MGAT4C: variants seen among roughly 807,000 people sequenced by gnomAD.
The protein encoded by MGAT4C is MGAT4 family member C, also known as alpha-1,3-mannosyl-glycoprotein 4-beta-N-acetylglucosaminyltransferase C.
Under a neutral mutation model 40.1 loss-of-function variants are expected in MGAT4C, and 19 were observed. The observed-to-expected ratio is 0.47, with a 90% confidence interval of 0.33 to 0.70. The LOEUF (loss-of-function observed/expected upper bound fraction) is 0.70. Among genes scored for constraint, MGAT4C ranks in the 30% least tolerant of loss-of-function variants. MGAT4C has a pLI of 0.02. For missense variants in MGAT4C, 491 were observed against 563.2 expected, an observed-to-expected ratio of 0.87 and a Z score of 1.30; for synonymous variants, 181 against 187.1, an observed-to-expected ratio of 0.97 and a Z score of 0.27.
intron 2 of MGAT4C, among the ~76,000 whole-genome samples, chr12:86,583,401 G>T (rs531122350): frequency 2.7e-4 from 41 of 151,324 alleles, no homozygotes; most frequent in African/African-American, 9.9e-4. Context: ...AAAACCATTA[G>T]CAACAGTAAC....
chr12:86,181,923 A>G (rs1888173171), intron 1 of MGAT4C, among the ~76,000 whole-genome samples: 1 of 152,086 alleles, frequency 6.6e-6, no homozygotes, highest in East Asian at 1.9e-4. Context: ...TATCAGTTAT[A>G]TTCTCATAAT....
At chr12:86,389,406 G>T (rs1318985896) in intron 3 of MGAT4C, among the ~76,000 whole-genome samples, 1 of 152,018 alleles carries the variant, frequency 6.6e-6, no homozygotes, top group East Asian at 1.9e-4. Context: ...AGTATTCCAT[G>T]GTCTATATGT....
chr12:86,196,270 A>T (rs1949798582), intron 1 of MGAT4C, among the ~76,000 whole-genome samples: 1 of 152,196 alleles, frequency 6.6e-6, no homozygotes, highest in African/African-American at 2.4e-5. Context: ...TGTTTGCCTA[A>T]CAAGGCAAAT....
chr12:86,104,010 C>T (rs1875630004), intron 1 of MGAT4C, among the ~76,000 whole-genome samples: 1 of 151,976 alleles, frequency 6.6e-6, no homozygotes, highest in African/African-American at 2.4e-5. Context: ...AAAAAGTAAA[C>T]ATAGACATTT....
In MGAT4C at chr12:85,956,021, AGGTT is replaced by A. The variant is rs926341754; in HGVS notation, c.*23264_*23267del. 2.0e-4 allele frequency: 30 copies of A among 152,232 alleles called. No homozygotes were observed. The highest frequency in any genetic ancestry group is 3.4e-4 in the Non-Finnish European group (23 of 68,026). 9.4% of individuals were successfully genotyped at this position (152,232 alleles called of 1,614,324 possible). A position where few individuals can be genotyped will look rare whatever the true frequency, so the allele number is the denominator to read the frequency against. ...CATGAATACATATAGTAAAATGTAG[AGGTT>A]TTCAATTGGTTTACAGGAAGTCTGA... On this transcript the variant is annotated 3_prime_UTR_variant, in exon 5 of 5. Coordinates refer to ENST00000611864, the MANE Select transcript of MGAT4C (RefSeq NM_001351288.2).
In MGAT4C at chr12:86,166,768, A is replaced by G. The variant is rs937861113; in HGVS notation, c.-57+89471T>C. Among the ~76,000 whole-genome samples the G allele has an allele frequency of 7.2e-5, 11 of 152,316 alleles. No individual in the cohort carries two copies. The East Asian group carries it at 1.3e-3, about 19-fold the overall frequency. On this transcript the variant is annotated intron_variant, in intron 1 of 4. Transcript: ENST00000611864. ...ATAATCCTTACCTTCCTATCCTTCT[A>G]TAAGTATCACTGCAGCACATTATAT...
At chr12:86,351,666 T>C (rs1296072981) in intron 3 of MGAT4C, among the ~76,000 whole-genome samples, 1 of 152,064 alleles carries the variant, frequency 6.6e-6, no homozygotes, top group Non-Finnish European at 1.5e-5. Context: ...GCTTTGTACA[T>C]TGACATGTTC....
chr12:86,300,847 A>G (rs1566271028), intron 4 of MGAT4C, among the ~76,000 whole-genome samples: 1 of 152,234 alleles, frequency 6.6e-6, no homozygotes, highest in Admixed American at 6.5e-5. Flanking sequence ...GAGAGATAAA[A>G]AGTTATGTTA....
At chr12:86,605,439 G>A (rs1962010393) in intron 2 of MGAT4C, among the ~76,000 whole-genome samples, 1 of 151,906 alleles carries the variant, frequency 6.6e-6, no homozygotes, top group Admixed American at 6.6e-5. Context: ...AGCCTGTTCA[G>A]AATAATAATA....
chr12:86,662,428 G>T (rs923633135), intron 2 of MGAT4C, among the ~76,000 whole-genome samples: 2 of 152,168 alleles, frequency 1.3e-5, no homozygotes, highest in Non-Finnish European at 2.9e-5. Context: ...AGACACAGAA[G>T]TTTAGGCAAT....
chr12:86,655,331 A>C (rs1419994753), intron 2 of MGAT4C, among the ~76,000 whole-genome samples: 1 of 152,040 alleles, frequency 6.6e-6, no homozygotes, highest in African/African-American at 2.4e-5. Context: ...AACTCCATTC[A>C]ACTCTGAAAA....
intron 2 of MGAT4C, among the ~76,000 whole-genome samples, chr12:86,621,067 C>A (rs1962620203): frequency 6.6e-6 from 1 of 151,820 alleles, no homozygotes; most frequent in Non-Finnish European, 1.5e-5. Context: ...GTCCATGTAA[C>A]AAAACTACAC....
At chr12:86,223,145 C>T (rs1341046215) in intron 1 of MGAT4C, among the ~76,000 whole-genome samples, 1 of 152,154 alleles carries the variant, frequency 6.6e-6, no homozygotes, top group Non-Finnish European at 1.5e-5. Context: ...TGTGGCTGGG[C>T]CAAAAAGATA....
intron 1 of MGAT4C, among the ~76,000 whole-genome samples, chr12:86,152,104 G>A (rs1052349402): frequency 4.6e-5 from 7 of 152,142 alleles, no homozygotes; most frequent in African/African-American, 9.7e-5. Flanking sequence ...CTCCATCCCC[G>A]CTGTGTCACT....
chr12:86,004,314 C>T (rs1302262262), intron 2 of MGAT4C, among the ~76,000 whole-genome samples: 1 of 152,014 alleles, frequency 6.6e-6, no homozygotes, highest in Non-Finnish European at 1.5e-5. Flanking sequence ...ATCAATATCC[C>T]TGCTGTCCAC....
intron 1 of MGAT4C, among the ~76,000 whole-genome samples, chr12:86,239,422 C>G (rs910223678): frequency 6.6e-6 from 1 of 152,052 alleles, no homozygotes; most frequent in Non-Finnish European, 1.5e-5. Flanking sequence ...CTCTCTCTCT[C>G]TGTCTACTTC....
intron 1 of MGAT4C, among the ~76,000 whole-genome samples, chr12:86,110,812 C>T (rs999586076): frequency 6.6e-6 from 1 of 151,580 alleles, no homozygotes; most frequent in African/African-American, 2.4e-5. Context: ...TACTATTGTA[C>T]AGTTGTACAT....
At chr12:86,802,377 G>GTTA (rs1952247712) in intron 1 of MGAT4C, among the ~76,000 whole-genome samples, 1 of 151,902 alleles carries the variant, frequency 6.6e-6, no homozygotes, top group South Asian at 2.1e-4. Context: ...AGGTGCTTTA[G>GTTA]TTATGGTTTT....
chr12:86,219,069 A>T (rs773830959), intron 1 of MGAT4C, among the ~76,000 whole-genome samples: 6 of 151,996 alleles, frequency 3.9e-5, no homozygotes, highest in Non-Finnish European at 8.8e-5. Flanking sequence ...AGTCCCAGCT[A>T]CTCCGGAGGC....
Sources: gnomAD v4.1 joint callset for allele counts (sites outside exome capture counted in the v4.1 genomes callset) on GRCh38, gnomAD v4.1.1 for gene constraint, MANE v1.5 for transcripts, NCBI Gene and HGNC (gene_info 2026-07-23, HGNC 2026-07-21) for gene names.